CAST: variants seen among roughly 807,000 people sequenced by gnomAD.
The protein encoded by CAST is calpastatin.
In CAST, 76 loss-of-function variants were observed where a neutral mutation model predicts 119.6. The ratio of observed to expected loss-of-function variants is 0.64; its 90% CI spans 0.53 to 0.77. The LOEUF is 0.77. Ranked by LOEUF, CAST falls within the 30% of genes least tolerant of loss-of-function variation. The pLI is 0.00. For missense variants in CAST, 953 were observed against 946.5 expected, an observed-to-expected ratio of 1.01 and a Z score of -0.09; for synonymous variants, 319 against 331.6, an observed-to-expected ratio of 0.96 and a Z score of 0.41.
the CAST span, among the ~76,000 whole-genome samples, chr5:96,519,869 A>G: frequency 6.6e-6 from 1 of 152,258 alleles, no homozygotes; most frequent in Non-Finnish European, 1.5e-5. Flanking sequence ...GGCCTTCCAA[A>G]GTACTAGAAT....
At chr5:96,727,234 G>A (rs1379004377) in intron 5 of CAST, among the ~76,000 whole-genome samples, 2 of 152,142 alleles carry the variant, frequency 1.3e-5, no homozygotes, top group Non-Finnish European at 2.9e-5. Flanking sequence ...ACATATCTTT[G>A]ATATACCTAG....
intron 1 of CAST, among the ~76,000 whole-genome samples, chr5:96,622,038 C>T (rs138477379): frequency 0.011 from 1,520 of 135,490 alleles, 37 homozygotes; most frequent in African/African-American, 0.041. Flanking sequence ...GGCGCAATCT[C>T]GGCTCACTGC....
intron 1 of CAST, among the ~76,000 whole-genome samples, chr5:96,643,465 C>G (rs1303055912): frequency 1.3e-5 from 2 of 152,128 alleles, no homozygotes; most frequent in Non-Finnish European, 1.5e-5. Flanking sequence ...TTACCAGGTG[C>G]TGTGGCTCAC....
chr5:96,605,109 A>T (rs1747228776), intron 1 of CAST, among the ~76,000 whole-genome samples: 1 of 152,202 alleles, frequency 6.6e-6, no homozygotes, highest in Non-Finnish European at 1.5e-5. Flanking sequence ...AATGTTGATG[A>T]TGCCACACAC....
chr5:96,321,644 A>C, the CAST span, among the ~76,000 whole-genome samples: 3 of 152,226 alleles, frequency 2.0e-5, no homozygotes, highest in East Asian at 5.8e-4. Flanking sequence ...ATAGGTAAGA[A>C]AACTGAGTCC....
upstream of CAST, chr5:96,529,765 G>C (rs1745657721): frequency 2.3e-6 from 1 of 435,412 alleles, no homozygotes; most frequent in Non-Finnish European, 4.6e-6. Flanking sequence ...AGATATAATG[G>C]TTTTATGAGG....
intron 1 of CAST, among the ~76,000 whole-genome samples, chr5:96,538,740 A>C (rs375809347): frequency 1.3e-3 from 94 of 71,978 alleles, no homozygotes; most frequent in East Asian, 7.9e-3. Context: ...AGACCCCCCC[A>C]CACACACACC....
the CAST span, among the ~76,000 whole-genome samples, chr5:96,048,646 G>A: frequency 6.6e-6 from 1 of 152,172 alleles, no homozygotes; most frequent in Non-Finnish European, 1.5e-5. Flanking sequence ...TAAAATGATT[G>A]CCTCAAATCT....
At position 96,730,675 on chromosome 5, in the gene CAST, G is replaced by T; in HGVS notation, c.550-105G>T. 3.7e-6 allele frequency: 3 copies of T among 806,238 alleles called. No homozygotes were observed. The South Asian group carries it at 4.4e-5, about 12-fold the overall frequency. 49.9% of individuals were successfully genotyped at this position (806,238 alleles called of 1,614,324 possible). A position where few individuals can be genotyped will look rare whatever the true frequency, so the allele number is the denominator to read the frequency against. ...GAGCAAACATTCCCTTATGGTGTCC[G>T]TGAGGGTGAACTGGCAGATGTTAGT... is the stretch of plus-strand genomic sequence containing the variant. On this transcript the variant is annotated intron_variant, in intron 8 of 31. Transcript: ENST00000675179.
chr5:96,140,453 G>C, the CAST span, among the ~76,000 whole-genome samples: 2 of 152,168 alleles, frequency 1.3e-5, no homozygotes, highest in Non-Finnish European at 2.9e-5. Flanking sequence ...GCAGGTCTAA[G>C]ATTCTTCATT....
Position 96,593,011 on chromosome 5 carries a change from C to T in CAST, c.60+63131C>T, listed in dbSNP as rs375091970. 8.1e-4 allele frequency among the ~76,000 whole-genome samples: 124 copies of T among 152,268 alleles called. 1 individual carries two copies. In the South Asian group the frequency reaches 0.024, roughly 30 times the overall value. On this transcript the variant is annotated intron_variant, in intron 1 of 11. Transcript: ENST00000505143. ...CGATCTCCTGACCTCGTGATCCGCCCGCCTCGGCCTCCCAAAGTCCTGGGA... is the reference window on the plus strand; with the variant it reads ...CGATCTCCTGACCTCGTGATCCGCCTGCCTCGGCCTCCCAAAGTCCTGGGA...
chr5:96,134,138 C>T, the CAST span, among the ~76,000 whole-genome samples: 7 of 152,256 alleles, frequency 4.6e-5, no homozygotes, highest in African/African-American at 1.7e-4. Context: ...CTGAAAAGGC[C>T]GCTACAGTGC....
At chr5:96,594,078 C>T (rs1294009023) in intron 1 of CAST, among the ~76,000 whole-genome samples, 1 of 152,226 alleles carries the variant, frequency 6.6e-6, no homozygotes, top group Non-Finnish European at 1.5e-5. Flanking sequence ...AAGCATGTTA[C>T]ATGTACTACT....
intron 1 of CAST, among the ~76,000 whole-genome samples, chr5:96,573,477 A>T (rs1325890851): frequency 1.3e-5 from 2 of 152,090 alleles, no homozygotes; most frequent in African/African-American, 2.4e-5. Flanking sequence ...CAAAATAAAT[A>T]AAAAAATAAA....
chr5:96,209,471 T>G, the CAST span, among the ~76,000 whole-genome samples: 1 of 151,994 alleles, frequency 6.6e-6, no homozygotes, highest in Non-Finnish European at 1.5e-5. Flanking sequence ...TGTTTCCATA[T>G]TTAGCACTCC....
At chr5:96,318,234 C>G in the CAST span, among the ~76,000 whole-genome samples, 1 of 152,222 alleles carries the variant, frequency 6.6e-6, no homozygotes, top group East Asian at 1.9e-4. Flanking sequence ...ATGAAGTGAT[C>G]AATTTCTGGA....
intron 16 of CAST, among the ~76,000 whole-genome samples, chr5:96,745,860 G>A (rs896618529): frequency 6.6e-6 from 1 of 152,218 alleles, no homozygotes; most frequent in African/African-American, 2.4e-5. Flanking sequence ...GTGAAAATTA[G>A]TCGTGTTTCC....
chr5:96,753,959 C>A, intron 20 of CAST, 101 bp from the exon 21 acceptor site: 1 of 705,290 alleles, frequency 1.4e-6, no homozygotes. Flanking sequence ...ATAGCGTGTG[C>A]CTTTTATCTG....
chr5:96,388,440 C>T, the CAST span, among the ~76,000 whole-genome samples: 1 of 152,160 alleles, frequency 6.6e-6, no homozygotes, highest in Non-Finnish European at 1.5e-5. Flanking sequence ...GCACACTCTC[C>T]TCACAGCGCT....
Sources: allele counts gnomAD v4.1 joint callset (sites outside exome capture counted in the v4.1 genomes callset), GRCh38; gene constraint gnomAD v4.1.1; transcripts MANE v1.5; gene names NCBI Gene and HGNC (gene_info 2026-07-23, HGNC 2026-07-21).